Variants in RASGRP2 observed in about 807,000 individuals in gnomAD.
RASGRP2 encodes the protein RAS guanyl releasing protein 2, also known as RAS guanyl-releasing protein 2.
Under a neutral mutation model 71.0 loss-of-function variants are expected in RASGRP2, and 44 were observed. The observed-to-expected ratio is 0.62, with a 90% confidence interval of 0.49 to 0.80. The LOEUF (loss-of-function observed/expected upper bound fraction) is 0.80. Among genes scored for constraint, RASGRP2 ranks in the 30% least tolerant of loss-of-function variants. The pLI, the probability that RASGRP2 is intolerant of heterozygous loss-of-function variation, is 0.00. For synonymous variants in RASGRP2, 350 were observed against 330.7 expected (o/e 1.06, Z -0.63); for missense variants, 663 against 813.4 (o/e 0.82, Z 2.25).
chr11:64,735,811 G>A lies in RASGRP2; in HGVS notation c.1173+92C>T. 1 of 1,481,260 alleles carries A rather than the reference G, an allele frequency of 6.8e-7. No homozygotes were observed. The highest frequency in any genetic ancestry group is 9.3e-7 in the Non-Finnish European group (1 of 1,079,012). 91.8% of individuals were successfully genotyped at this position (1,481,260 alleles called of 1,614,324 possible). A position where few individuals can be genotyped will look rare whatever the true frequency, so the allele number is the denominator to read the frequency against. ...ATGCCTCTGTCCTACAAGATGGATG[G>A]GTGAGGTGGCTGCTAAGAGCTCTTC... On this transcript the variant is annotated intron_variant, in intron 10 of 16. Coordinates refer to ENST00000394432, the MANE Select transcript of RASGRP2 (RefSeq NM_001098671.2). The surrounding 1 kb of genome is among the most constrained non-coding windows in gnomAD (Gnocchi z 4.2).
chr11:64,737,168 C>G (rs563988839), intron 8 of RASGRP2, 134 bp from the exon 9 acceptor site: 13 of 1,047,864 alleles, frequency 1.2e-5, no homozygotes, highest in Non-Finnish European at 1.9e-5. Context: ...TACTGTCCCC[C>G]ACGACTGGCT....
At chr11:64,737,218 A>C (rs1292762935) in intron 8 of RASGRP2, 184 bp from the exon 9 acceptor site, 3 of 682,694 alleles carry the variant, frequency 4.4e-6, no homozygotes, top group Non-Finnish European at 7.5e-6. Context: ...CCATGAATTC[A>C]AGGCAATACT....
rs762761145 is a variant in RASGRP2, at chr11:64,739,427, C to A, written c.746G>T (p.Gly249Val). Residue 249 changes from glycine (G) to valine (V), a missense_variant, in exon 8 of 17, where the codon GGC (glycine) becomes GTC (valine). Transcript: ENST00000394432. The surrounding 1 kb of genome is among the most constrained non-coding windows in gnomAD (Gnocchi z 4.2). Reference sequence around the variant, plus strand: ...GCGGGAGATGGAGCTGTGGCTCAGGCCCCCGACCACTGCCATCAGCGTGTT... The same window carrying A: ...GCGGGAGATGGAGCTGTGGCTCAGGACCCCGACCACTGCCATCAGCGTGTT... ...NFNTLMAVVG[G>V]LSHSSISRLK... is the part of the protein sequence containing the mutation. 1.5e-5 allele frequency: 24 copies of A among 1,614,026 alleles called. No individual in the cohort carries two copies. The highest frequency in any genetic ancestry group is 1.7e-5 in the Non-Finnish European group (20 of 1,180,012).
In RASGRP2 at chr11:64,743,097, CAACCCGCCAGTTGGGAA is replaced by C; in HGVS notation, c.-71-177_-71-161del. The C allele has an allele frequency of 1.2e-6, 1 of 825,106 alleles. No homozygotes were observed. Among genetic ancestry groups the C allele is most frequent in the Non-Finnish European group, 2.0e-6 (1 of 502,102 alleles). The allele number at this position is 825,106 out of a possible 1,614,324, so 51.1% of individuals were successfully genotyped here. A position where few individuals can be genotyped will look rare whatever the true frequency, so the allele number is the denominator to read the frequency against. On this transcript the variant is annotated intron_variant, in intron 1 of 16. Coordinates refer to ENST00000394432, the MANE Select transcript of RASGRP2 (RefSeq NM_001098671.2). The surrounding 1 kb of genome is among the most constrained non-coding windows in gnomAD (Gnocchi z 4.9). ...TTAAACGGTCTGGCCCGGGATGGTG[CAACCCGCCAGTTGGGAA>C]ACGGACCCGCAGAGAGGCTTCCGGC...
chr11:64,743,649 G>T lies in RASGRP2; in HGVS notation c.-72+354C>A. On this transcript the variant is annotated intron_variant, in intron 1 of 16. Coordinates refer to ENST00000394432, the MANE Select transcript of RASGRP2 (RefSeq NM_001098671.2). This position sits in a 1 kb window ranked among gnomAD's most constrained non-coding sequence, Gnocchi z 4.9. The stretch of plus-strand genomic sequence containing the variant: ...GGGGTCCCGGCTCAGCTTGTCCACA[G>T]GCCCTCTTCCTCCCTATCCCCGGCT... 2.4e-6 allele frequency: 1 copy of T among 422,038 alleles called. No homozygotes were observed. Among genetic ancestry groups the T allele is most frequent in the African/African-American group, 2.1e-5 (1 of 47,686 alleles). 26.1% of individuals were successfully genotyped at this position (422,038 alleles called of 1,614,324 possible). A position where few individuals can be genotyped will look rare whatever the true frequency, so the allele number is the denominator to read the frequency against.
intron 12 of RASGRP2, among the ~76,000 whole-genome samples, chr11:64,733,460 G>T (rs967166876): frequency 2.0e-5 from 3 of 151,636 alleles, no homozygotes; most frequent in Admixed American, 6.6e-5. Flanking sequence ...GGGCCTGCAG[G>T]AGGTGGAGGG....
chr11:64,728,551 C>T (rs1435817163), intron 15 of RASGRP2, among the ~76,000 whole-genome samples: 2 of 152,122 alleles, frequency 1.3e-5, no homozygotes, highest in African/African-American at 4.8e-5. Context: ...CCTCAGCCTC[C>T]CAAGTAGCTG....
rs1482721478 is a variant in RASGRP2 at position 64,743,115 on chromosome 11, A to G, written c.-71-178T>C. 9.6e-6 allele frequency: 7 copies of G among 730,068 alleles called. No individual in the cohort carries two copies. In the African/African-American group the frequency reaches 1.0e-4, roughly 11 times the overall value. 45.2% of individuals were successfully genotyped at this position (730,068 alleles called of 1,614,324 possible). ...GATGGTGCAACCCGCCAGTTGGGAA[A>G]CGGACCCGCAGAGAGGCTTCCGGCC... On this transcript the variant is annotated intron_variant, in intron 1 of 16. Coordinates refer to ENST00000394432, the MANE Select transcript of RASGRP2 (RefSeq NM_001098671.2). This position sits in a 1 kb window ranked among gnomAD's most constrained non-coding sequence, Gnocchi z 4.9.
chr11:64,728,488 C>T lies in RASGRP2; in HGVS notation c.1771+375G>A, dbSNP rs1331102852. Among the ~76,000 whole-genome samples, 56 of 151,720 alleles carry T rather than the reference C, an allele frequency of 3.7e-4. 1 individual carries two copies. Among genetic ancestry groups the T allele is most frequent in the African/African-American group, 1.5e-4 (6 of 41,344 alleles). ...TATCGCCCAGGCTGGAGTGCAGTGGCGCGATCTCGGCTCACTGCAAGCCCC... is the reference window on the plus strand; with the variant it reads ...TATCGCCCAGGCTGGAGTGCAGTGGTGCGATCTCGGCTCACTGCAAGCCCC... On this transcript the variant is annotated intron_variant, in intron 15 of 16. Transcript: ENST00000394432.
In RASGRP2 at chr11:64,730,079, CG is replaced by C; in HGVS notation, c.1527del (p.Val510SerfsTer9). On this transcript the variant is annotated frameshift_variant, in exon 13 of 17. Coordinates refer to ENST00000394432, the MANE Select transcript of RASGRP2 (RefSeq NM_001098671.2). LOFTEE classifies it high-confidence loss of function. ...AGGGCTTTGCAGTGGCGGCAGGCGA[CG>C]GGGCGCAAGGAGTTGCTCTCCTGGA... is the stretch of plus-strand genomic sequence containing the variant. Reference protein sequence around the residue: ...HNFQESNSLRPVACRHCKALI... With the variant: ...HNFQESNSLRXVACRHCKALI... 6.5e-7 allele frequency: 1 copy of C among 1,550,144 alleles called. No homozygotes were observed. Among genetic ancestry groups the C allele is most frequent in the Non-Finnish European group, 8.7e-7 (1 of 1,147,402 alleles).
chr11:64,734,773 C>G (rs1433306131), intron 12 of RASGRP2, among the ~76,000 whole-genome samples: 1 of 152,162 alleles, frequency 6.6e-6, no homozygotes, highest in East Asian at 1.9e-4. Flanking sequence ...CTTATCTATT[C>G]ATTAGAACAG....
intron 16 of RASGRP2, 23 bp downstream of exon 16, chr11:64,727,273 G>A: frequency 6.2e-7 from 1 of 1,609,946 alleles, no homozygotes; most frequent in Non-Finnish European, 8.5e-7. Context: ...GGGAGCTCTG[G>A]TGCCAGCTGT....
intron 15 of RASGRP2, 148 bp from the exon 16 acceptor site, chr11:64,727,508 T>A (rs2057606160): frequency 2.1e-4 from 1 of 4,678 alleles, no homozygotes. Context: ...ACAGCCCAAT[T>A]TTTTTTTTTT....
rs2057967578 is a variant in RASGRP2 at position 64,737,116 on chromosome 11, GGAGTCA to G, written c.814-88_814-83del. 3 of 1,549,592 alleles carry G rather than the reference GGAGTCA, an allele frequency of 1.9e-6. 1 individual carries two copies. In the South Asian group the frequency reaches 3.5e-5, roughly 18 times the overall value. ...CTGGAAATGTAGGAGGGGGTGAGGA[GGAGTCA>G]GGGTCAGGGACAGGTGAAAGAGTAA... On this transcript the variant is annotated intron_variant, in intron 8 of 16. Coordinates refer to ENST00000394432, the MANE Select transcript of RASGRP2 (RefSeq NM_001098671.2).
intron 13 of RASGRP2, 89 bp downstream of exon 13, chr11:64,729,964 G>T (rs71581752): frequency 2.0e-6 from 3 of 1,527,808 alleles, no homozygotes; most frequent in East Asian, 2.4e-5. Flanking sequence ...GCTTGAGAAG[G>T]GCTCTGGCAG....
intron 14 of RASGRP2, among the ~76,000 whole-genome samples, chr11:64,729,333 GT>G (rs911380022): frequency 1.2e-5 from 1 of 82,632 alleles, no homozygotes; most frequent in Non-Finnish European, 2.3e-5. Flanking sequence ...GGTTTTGGGG[GT>G]TTTTTTGTTG....
chr11:64,739,231 C>T lies in RASGRP2; in HGVS notation c.813+129G>A. On this transcript the variant is annotated intron_variant, in intron 8 of 16. Coordinates refer to ENST00000394432, the MANE Select transcript of RASGRP2 (RefSeq NM_001098671.2). The surrounding 1 kb of genome is among the most constrained non-coding windows in gnomAD (Gnocchi z 4.2). ...GCCATTGTGCAAACTGAGAAAAGCA[C>T]TTAACCCCTCTGAGCCTCCATTTCC... 1.3e-6 allele frequency: 1 copy of T among 767,188 alleles called. No individual in the cohort carries two copies. Among genetic ancestry groups the T allele is most frequent in the South Asian group, 1.5e-5 (1 of 68,004 alleles). The allele number at this position is 767,188 out of a possible 1,614,324, so 47.5% of individuals were successfully genotyped here. A position where few individuals can be genotyped will look rare whatever the true frequency, so the allele number is the denominator to read the frequency against.
At chr11:64,732,886 G>T (rs1488933981) in intron 12 of RASGRP2, among the ~76,000 whole-genome samples, 1 of 151,334 alleles carries the variant, frequency 6.6e-6, no homozygotes, top group Non-Finnish European at 1.5e-5. Context: ...GGAGGCGGAG[G>T]TTGCAGTGAG....
intron 3 of RASGRP2, 58 bp downstream of exon 3, chr11:64,741,952 A>G (rs974968483): frequency 1.4e-6 from 2 of 1,428,122 alleles, no homozygotes; most frequent in African/African-American, 1.4e-5. Context: ...TGGGCTGGGC[A>G]GAGGGGCTGC....
Sources: allele counts gnomAD v4.1 joint callset (sites outside exome capture counted in the v4.1 genomes callset), GRCh38; gene constraint gnomAD v4.1.1; non-coding constraint Gnocchi (gnomAD v3.1); transcripts MANE v1.5; gene names NCBI Gene and HGNC (gene_info 2026-07-23, HGNC 2026-07-21).